The following CACNA2D1 variants were observed in gnomAD, a reference collection of about 807,000 sequenced individuals.
CACNA2D1 encodes the protein voltage-dependent calcium channel subunit alpha-2/delta-1.
In CACNA2D1, 53 loss-of-function variants were observed where a neutral mutation model predicts 171.5. That is an observed-to-expected ratio of 0.31 (90% CI 0.25 to 0.39). The LOEUF (loss-of-function observed/expected upper bound fraction) is 0.39. Among genes scored for constraint, CACNA2D1 ranks in the 10% least tolerant of loss-of-function variants. The pLI is 1.00. For synonymous variants in CACNA2D1, 442 were observed against 443.1 expected, an observed-to-expected ratio of 1.00 and a Z score of 0.03; for missense variants, 903 against 1,299.8, an observed-to-expected ratio of 0.69 and a Z score of 4.69.
chr7:82,028,515 A>T (rs1802235393), intron 12 of CACNA2D1: 1 of 151,870 alleles, frequency 6.6e-6, no homozygotes, highest in Non-Finnish European at 1.5e-5. Flanking sequence ...ATTTGGTAAG[A>T]CTATAGCTGC....
intron 24 of CACNA2D1, among the ~76,000 whole-genome samples, chr7:81,978,753 G>GTGTGTGTGTGTA (rs145105210): frequency 1.1e-4 from 16 of 139,474 alleles, no homozygotes; most frequent in African/African-American, 4.1e-4. Context: ...TTTAAAAAGT[G>GTGTGTGTGTGTA]TATATATATA....
chr7:82,000,771 C>CTTTTTTTTTTTTTTTTT lies in CACNA2D1; in HGVS notation c.1591-3538_1591-3522dup, dbSNP rs774565705. 1.9e-4 allele frequency among the ~76,000 whole-genome samples: 10 copies of CTTTTTTTTTTTTTTTTT among 51,958 alleles called. 3 individuals are homozygous for CTTTTTTTTTTTTTTTTT. The highest frequency in any genetic ancestry group is 3.2e-4 in the Non-Finnish European group (9 of 27,694). 34.1% of individuals were successfully genotyped at this position (51,958 alleles called of 152,430 possible). ...TACCATGCCTAACTAATTTTTCTTT[C>CTTTTTTTTTTTTTTTTT]TTTTTTTTTTTTTTTTTTTTTTTTT... On this transcript the variant is annotated intron_variant, in intron 18 of 38. Transcript: ENST00000356860.
chr7:82,342,566 C>A (rs1818802258), intron 2 of CACNA2D1, among the ~76,000 whole-genome samples: 1 of 152,044 alleles, frequency 6.6e-6, no homozygotes, highest in East Asian at 1.9e-4. Flanking sequence ...AACACCGATA[C>A]AATAATTAAA....
chr7:82,167,730 G>GAC (rs932972757), intron 4 of CACNA2D1, among the ~76,000 whole-genome samples: 1 of 152,076 alleles, frequency 6.6e-6, no homozygotes, highest in Non-Finnish European at 1.5e-5. Context: ...GAAATGAGTT[G>GAC]ACAGGACTCT....
chr7:82,120,230 T>C (rs1035285153), intron 5 of CACNA2D1, among the ~76,000 whole-genome samples: 5 of 152,084 alleles, frequency 3.3e-5, no homozygotes, highest in Admixed American at 3.3e-4. Context: ...GGATCCTGTG[T>C]GATGAAACAA....
At chr7:82,166,890 A>T (rs7793379) in intron 4 of CACNA2D1, among the ~76,000 whole-genome samples, 5 of 152,064 alleles carry the variant, frequency 3.3e-5, no homozygotes, top group Admixed American at 6.6e-5. Flanking sequence ...TGTGAATTGC[A>T]TAAGTCCTTT....
At chr7:82,426,134 AATAT>A (rs1419029348) in intron 1 of CACNA2D1, among the ~76,000 whole-genome samples, 183 of 84,448 alleles carry the variant, frequency 2.2e-3, no homozygotes, top group Admixed American at 0.01. Flanking sequence ...CTGCTTCAAA[AATAT>A]ATAAATAAAT....
intron 3 of CACNA2D1, among the ~76,000 whole-genome samples, chr7:82,319,028 A>C (rs935900387): frequency 5.9e-5 from 9 of 152,338 alleles, no homozygotes; most frequent in African/African-American, 2.2e-4. Flanking sequence ...TTGGGAATTA[A>C]ATGGATCTGG....
intron 4 of CACNA2D1, among the ~76,000 whole-genome samples, chr7:82,161,288 C>T (rs543970690): frequency 2.0e-5 from 3 of 152,078 alleles, no homozygotes; most frequent in East Asian, 3.9e-4. Context: ...CTCCCTGCCC[C>T]CATGGTTTTC....
chr7:81,977,385 A>G (rs915563458), intron 24 of CACNA2D1, among the ~76,000 whole-genome samples: 2 of 152,152 alleles, frequency 1.3e-5, no homozygotes, highest in Non-Finnish European at 2.9e-5. Context: ...TGGTACTGGT[A>G]CAAAAACATA....
intron 5 of CACNA2D1, among the ~76,000 whole-genome samples, chr7:82,126,313 C>T (rs1375657233): frequency 6.6e-6 from 1 of 152,070 alleles, no homozygotes; most frequent in Non-Finnish European, 1.5e-5. Context: ...TTAGAAGAAA[C>T]AAAAATAGAG....
At chr7:82,131,453 T>G (rs549419460) in intron 5 of CACNA2D1, among the ~76,000 whole-genome samples, 1 of 152,186 alleles carries the variant, frequency 6.6e-6, no homozygotes, top group East Asian at 1.9e-4. Flanking sequence ...TGTTGCTGGG[T>G]GGGGCTCTGT....
At chr7:82,129,626 C>T (rs941477426) in intron 5 of CACNA2D1, among the ~76,000 whole-genome samples, 6 of 152,154 alleles carry the variant, frequency 3.9e-5, no homozygotes, top group South Asian at 2.1e-4. Flanking sequence ...GGACAGTAAG[C>T]ATATATTCAA....
At chr7:82,317,651 G>T (rs1057385873) in intron 3 of CACNA2D1, among the ~76,000 whole-genome samples, 12 of 152,054 alleles carry the variant, frequency 7.9e-5, no homozygotes, top group African/African-American at 2.9e-4. Context: ...GGTGTGAAAT[G>T]TCAACTAAGG....
intron 3 of CACNA2D1, among the ~76,000 whole-genome samples, chr7:82,277,174 AACTCTT>A (rs1809455755): frequency 6.6e-6 from 1 of 152,062 alleles, no homozygotes. Context: ...GTGTCAGTCT[AACTCTT>A]ATTTGAATAT....
In CACNA2D1 at chr7:82,146,983, CAAAAAAA is replaced by C. The variant is rs764990586; in HGVS notation, c.355-10314_355-10308del. Among the ~76,000 whole-genome samples the C allele has an allele frequency of 7.3e-3, 186 of 25,402 alleles. 2 individuals are homozygous for C. Among genetic ancestry groups the C allele is most frequent in the Middle Eastern group, 0.056 (1 of 18 alleles). The allele number at this position is 25,402 out of a possible 152,430, so 16.7% of individuals were successfully genotyped here. A position where few individuals can be genotyped will look rare whatever the true frequency, so the allele number is the denominator to read the frequency against. On this transcript the variant is annotated intron_variant, in intron 4 of 38. Transcript: ENST00000356860. The stretch of plus-strand genomic sequence containing the variant: ...CTGGGTGATAGCAAGACTCCCATCT[CAAAAAAA>C]AAAAAAAAAAAAAAAAAAAAAAAAA...
intron 3 of CACNA2D1, among the ~76,000 whole-genome samples, chr7:82,219,283 A>G (rs922473432): frequency 7.2e-5 from 11 of 152,144 alleles, no homozygotes; most frequent in Non-Finnish European, 1.6e-4. Flanking sequence ...ATTGACAATC[A>G]CACAACAATA....
At chr7:82,330,772 T>C (rs1474374773) in intron 3 of CACNA2D1, among the ~76,000 whole-genome samples, 1 of 152,156 alleles carries the variant, frequency 6.6e-6, no homozygotes, top group Non-Finnish European at 1.5e-5. Flanking sequence ...AAATACTACT[T>C]AGCTTCATTT....
chr7:82,115,305 C>A (rs577017823), intron 6 of CACNA2D1, among the ~76,000 whole-genome samples: 1 of 152,078 alleles, frequency 6.6e-6, no homozygotes, highest in African/African-American at 2.4e-5. Flanking sequence ...AGAAACATAA[C>A]CATATAGCTT....
Sources: allele counts gnomAD v4.1 joint callset (sites outside exome capture counted in the v4.1 genomes callset), GRCh38; gene constraint gnomAD v4.1.1; transcripts MANE v1.5; gene names NCBI Gene and HGNC (gene_info 2026-07-23, HGNC 2026-07-21).